The following NRXN1 variants were observed in gnomAD, a reference collection of about 807,000 sequenced individuals.
NRXN1 encodes the protein neurexin-1.
Under a neutral mutation model 150.9 loss-of-function variants are expected in NRXN1, and 39 were observed. The ratio of observed to expected loss-of-function variants is 0.26; its 90% confidence interval spans 0.20 to 0.34. The LOEUF (loss-of-function observed/expected upper bound fraction) is 0.34, where lower values mean the gene tolerates loss of function less well. NRXN1 is among the 10% of genes least tolerant of loss of function. The pLI, the probability that NRXN1 is intolerant of heterozygous loss-of-function variation, is 1.00. For missense variants in NRXN1, 1,815 were observed against 1,949.9 expected (o/e 0.93, Z 1.30); for synonymous variants, 924 against 757.0 (o/e 1.22, Z -3.62).
chr2:50,104,215 C>T (rs1701343842), intron 18 of NRXN1, among the ~76,000 whole-genome samples: 1 of 151,970 alleles, frequency 6.6e-6, no homozygotes, highest in African/African-American at 2.4e-5. Context: ...AAGAGACATA[C>T]TGGGAGGCCA....
Position 50,347,840 on chromosome 2 carries a change from T to C in NRXN1, c.3365-110870A>G, listed in dbSNP as rs2078154403. 3.0e-6 allele frequency: 3 copies of C among 985,454 alleles called. No homozygotes were observed. The highest frequency in any genetic ancestry group is 4.7e-5 in the South Asian group (1 of 21,302). 61.0% of individuals were successfully genotyped at this position (985,454 alleles called of 1,614,324 possible). A position where few individuals can be genotyped will look rare whatever the true frequency, so the allele number is the denominator to read the frequency against. On this transcript the variant is annotated intron_variant, in intron 17 of 22. Coordinates refer to ENST00000401669, the MANE Select transcript of NRXN1 (RefSeq NM_001330078.2). This position sits in a 1 kb window ranked among gnomAD's most constrained non-coding sequence, Gnocchi z 4.9. ...AAACAGCAAATCACTGAAGCTCGGA[T>C]GCAATGCAGAGGACGAGCCTATGTA...
intron 5 of NRXN1, among the ~76,000 whole-genome samples, chr2:50,806,001 C>T (rs573546610): frequency 5.3e-5 from 8 of 152,204 alleles, no homozygotes; most frequent in South Asian, 2.1e-4. Context: ...CCTTTAAGTA[C>T]GCAAAAATGA....
At chr2:50,764,713 C>T (rs944845502) in intron 5 of NRXN1, among the ~76,000 whole-genome samples, 1 of 151,852 alleles carries the variant, frequency 6.6e-6, no homozygotes, top group Non-Finnish European at 1.5e-5. Flanking sequence ...CACATTGTCT[C>T]CAAAGGTGCT....
At chr2:50,014,856 T>A (rs1057010599) in intron 21 of NRXN1, among the ~76,000 whole-genome samples, 9 of 152,146 alleles carry the variant, frequency 5.9e-5, no homozygotes, top group Non-Finnish European at 1.3e-4. Flanking sequence ...TAGCCCAGTG[T>A]AGTAAGTCTC....
At chr2:50,783,974 A>C (rs1704719424) in intron 5 of NRXN1, among the ~76,000 whole-genome samples, 1 of 152,116 alleles carries the variant, frequency 6.6e-6, no homozygotes, top group African/African-American at 2.4e-5. Context: ...ACAAGTAACA[A>C]ATATTCAACA....
intron 5 of NRXN1, among the ~76,000 whole-genome samples, chr2:50,909,682 T>A (rs910464692): frequency 9.9e-5 from 15 of 151,926 alleles, no homozygotes; most frequent in African/African-American, 3.6e-4. Context: ...ATAACTTTCA[T>A]ATAATTTCAA....
chr2:50,996,820 A>G, intron 2 of NRXN1, among the ~76,000 whole-genome samples: 1 of 151,908 alleles, frequency 6.6e-6, no homozygotes, highest in East Asian at 2.0e-4. Flanking sequence ...AAAGTTAAAA[A>G]CCATCTTTCA....
rs142844434 is a variant in NRXN1 at position 50,144,576 on chromosome 2, A to T, written c.3547-53082T>A. Among the ~76,000 whole-genome samples the T allele has an allele frequency of 2.0e-5, 3 of 152,050 alleles. No homozygotes were observed. The East Asian group carries it at 5.8e-4, about 29-fold the overall frequency. ...CTGGGCATATTTGAACTACACGGAT[A>T]AAGAAGAAGCCAATTTCATCAAATG... On this transcript the variant is annotated intron_variant, in intron 18 of 22. Coordinates refer to ENST00000401669, the MANE Select transcript of NRXN1 (RefSeq NM_001330078.2).
intron 5 of NRXN1, among the ~76,000 whole-genome samples, chr2:50,740,669 G>GT (rs1295523205): frequency 2.0e-5 from 3 of 152,060 alleles, no homozygotes; most frequent in Non-Finnish European, 2.9e-5. Context: ...TTTTAAATGA[G>GT]TTTTTTTCCA....
intron 17 of NRXN1, among the ~76,000 whole-genome samples, chr2:50,293,227 C>T (rs1017254500): frequency 3.3e-5 from 5 of 152,104 alleles, no homozygotes; most frequent in Non-Finnish European, 5.9e-5. Flanking sequence ...TCTGACTGCT[C>T]GCTCTGGACT....
intron 5 of NRXN1, among the ~76,000 whole-genome samples, chr2:50,671,832 A>G (rs1298705841): frequency 1.3e-5 from 2 of 151,880 alleles, no homozygotes; most frequent in African/African-American, 4.8e-5. Flanking sequence ...CTGCACATAA[A>G]ACTTTAGAGA....
intron 17 of NRXN1, among the ~76,000 whole-genome samples, chr2:50,333,885 AG>A (rs564722756): frequency 1.3e-5 from 2 of 152,068 alleles, no homozygotes; most frequent in Non-Finnish European, 2.9e-5. Context: ...ATTGTGAATG[AG>A]GAGGCTGACT....
intron 18 of NRXN1, among the ~76,000 whole-genome samples, chr2:50,197,642 GTGATAAGCAGTATCTTAAT>G (rs1559073513): frequency 2.0e-5 from 3 of 152,062 alleles, no homozygotes; most frequent in African/African-American, 7.2e-5. Flanking sequence ...GATGAGGCCA[GTGATAAGCAGTATCTTAAT>G]TCTCTTCTGT....
chr2:50,818,859 T>C (rs1039058258), intron 5 of NRXN1, among the ~76,000 whole-genome samples: 2 of 152,118 alleles, frequency 1.3e-5, no homozygotes, highest in African/African-American at 4.8e-5. Context: ...AAAGAACTTG[T>C]TTAGACATTT....
intron 21 of NRXN1, among the ~76,000 whole-genome samples, chr2:49,976,888 A>G (rs1327688016): frequency 2.6e-5 from 4 of 152,336 alleles, no homozygotes; most frequent in Non-Finnish European, 5.9e-5. Flanking sequence ...AACCTCTTCA[A>G]GCCTTAGTTT....
chr2:49,929,097 T>C (rs1415100661), intron 22 of NRXN1, among the ~76,000 whole-genome samples: 1 of 152,136 alleles, frequency 6.6e-6, no homozygotes, highest in Admixed American at 6.5e-5. Context: ...CACTCTGATA[T>C]TGAGACGTTC....
At chr2:50,183,186 AT>A (rs1559046075) in intron 18 of NRXN1, among the ~76,000 whole-genome samples, 1 of 152,100 alleles carries the variant, frequency 6.6e-6, no homozygotes, top group African/African-American at 2.4e-5. Context: ...TAAAGCTATC[AT>A]TTATTTTTTG....
At chr2:50,111,915 A>G (rs933967662) in intron 18 of NRXN1, among the ~76,000 whole-genome samples, 6 of 152,140 alleles carry the variant, frequency 3.9e-5, no homozygotes, top group African/African-American at 9.7e-5. Flanking sequence ...ACTAACTTCA[A>G]TGCAACGTGT....
intron 5 of NRXN1, among the ~76,000 whole-genome samples, chr2:50,719,549 G>A (rs1332527138): frequency 2.0e-5 from 3 of 151,822 alleles, no homozygotes; most frequent in African/African-American, 7.3e-5. Flanking sequence ...GGTGGCATAC[G>A]CCTGTAATCC....
Sources: allele counts gnomAD v4.1 joint callset (sites outside exome capture counted in the v4.1 genomes callset), GRCh38; gene constraint gnomAD v4.1.1; non-coding constraint Gnocchi (gnomAD v3.1); transcripts MANE v1.5; gene names NCBI Gene and HGNC (gene_info 2026-07-23, HGNC 2026-07-21).